TXNRD2: variants seen among roughly 807,000 people sequenced by gnomAD.
The protein encoded by TXNRD2 is thioredoxin reductase 2, also known as thioredoxin reductase 2, mitochondrial.
Under a neutral mutation model 70.8 loss-of-function variants are expected in TXNRD2, and 67 were observed. That is an observed-to-expected ratio of 0.95 (90% CI 0.78 to 1.16). The LOEUF (loss-of-function observed/expected upper bound fraction) is 1.16, where lower values mean the gene tolerates loss of function less well. TXNRD2 is among the 50% of genes most tolerant of loss of function. The probability of loss-of-function intolerance (pLI) is 0.00; values close to 1 mark genes in which losing one functional copy is unlikely to be tolerated. For synonymous variants in TXNRD2, 301 were observed against 295.8 expected (o/e 1.02, Z -0.18); for missense variants, 644 against 719.9 (o/e 0.89, Z 1.21).
intron 8 of TXNRD2, among the ~76,000 whole-genome samples, chr22:19,908,062 C>A (rs1322197490): frequency 2.3e-5 from 2 of 87,998 alleles, no homozygotes; most frequent in African/African-American, 4.4e-5. Context: ...TAGCAGTGAC[C>A]GCTCTCAGGA....
chr22:19,880,783 T>A (rs778499164), intron 12 of TXNRD2, 66 bp from the exon 13 acceptor site: 23 of 1,192,440 alleles, frequency 1.9e-5, no homozygotes. Flanking sequence ...CCCTATGCCA[T>A]CACCCTTTGC....
At chr22:19,937,208 G>A (rs1191275462) in intron 1 of TXNRD2, among the ~76,000 whole-genome samples, 4 of 152,182 alleles carry the variant, frequency 2.6e-5, no homozygotes, top group African/African-American at 9.6e-5. Context: ...CAATTACTCA[G>A]GCTCAGCTCA....
chr22:19,941,714 C>A lies in TXNRD2; in HGVS notation c.90G>T (p.Ala30=). 1 of 1,484,264 alleles carries A rather than the reference C, an allele frequency of 6.7e-7. No homozygotes were observed. The highest frequency in any genetic ancestry group is 8.9e-7 in the Non-Finnish European group (1 of 1,124,546). 91.9% of individuals were successfully genotyped at this position (1,484,264 alleles called of 1,614,324 possible). The change falls in exon 1 of 18, where the codon GCG becomes GCT. Residue 30 remains alanine, a synonymous_variant. Transcript: ENST00000400521. ...ACCCCATCCTACCTGCTGCGCCCCG[C>A]GCCGCGCCCCGCACCCCGCCCGCCA... The part of the protein sequence containing the change: ...QAVAGGVRGA[A]RGAAAGQRDY...
At chr22:19,883,559 C>G in intron 11 of TXNRD2, 98 bp from the exon 12 acceptor site, 1 of 1,558,442 alleles carries the variant, frequency 6.4e-7, no homozygotes, top group Non-Finnish European at 8.8e-7. Flanking sequence ...ACTTAGAGAC[C>G]GGGTGCAGTG....
chr22:19,919,090 T>G, intron 3 of TXNRD2, 86 bp from the exon 4 acceptor site: 3 of 1,409,748 alleles, frequency 2.1e-6, no homozygotes, highest in South Asian at 1.2e-5. Flanking sequence ...TGGAATTCCT[T>G]AAAGTTGCTT....
chr22:19,935,773 A>G (rs1026664734), intron 1 of TXNRD2, among the ~76,000 whole-genome samples: 2 of 152,186 alleles, frequency 1.3e-5, no homozygotes, highest in Non-Finnish European at 2.9e-5. Context: ...GGTTCCCCCA[A>G]TATCTGGCGC....
At chr22:19,891,304 G>A (rs1232114561) in intron 11 of TXNRD2, 1 of 152,330 alleles carries the variant, frequency 6.6e-6, no homozygotes, top group East Asian at 1.9e-4. Flanking sequence ...GGGACCCCCA[G>A]GTTTAGCGAG....
At chr22:19,903,652 C>A (rs1225370629) in intron 8 of TXNRD2, among the ~76,000 whole-genome samples, 1 of 152,226 alleles carries the variant, frequency 6.6e-6, no homozygotes, top group Non-Finnish European at 1.5e-5. Flanking sequence ...CTTGGCCCCC[C>A]TTAATTGCCA....
rs1460726198 is a variant in TXNRD2 at position 19,941,768 on chromosome 22, T to C, written c.36A>G (p.Gly12=). The change falls in exon 1 of 18, where the codon GGA becomes GGG. Residue 12 remains glycine, a synonymous_variant. Coordinates refer to ENST00000400521, the MANE Select transcript of TXNRD2 (RefSeq NM_006440.5). The stretch of plus-strand genomic sequence containing the variant: ...CCTGCGTCCGCCACCGGAAGCGCCC[T>C]CCTAATCCCCGCAGCGCCACCGCCA... The part of the protein sequence containing the change: ...AAMAVALRGL[G]GRFRWRTQAV... The C allele has an allele frequency of 5.3e-6, 8 of 1,521,116 alleles. No homozygotes were observed. Among genetic ancestry groups the C allele is most frequent in the Admixed American group, 1.9e-5 (1 of 51,918 alleles). The allele number at this position is 1,521,116 out of a possible 1,614,324, so 94.2% of individuals were successfully genotyped here.
chr22:19,900,536 G>C (rs1015274674), intron 8 of TXNRD2, among the ~76,000 whole-genome samples: 1 of 152,134 alleles, frequency 6.6e-6, no homozygotes, highest in African/African-American at 2.4e-5. Flanking sequence ...AGATCACGAG[G>C]TCAGGAGATC....
chr22:19,918,905 G>A lies in TXNRD2; in HGVS notation c.329C>T (p.Ala110Val). 6.2e-7 allele frequency: 1 copy of A among 1,612,650 alleles called. No individual in the cohort carries two copies. The highest frequency in any genetic ancestry group is 8.5e-7 in the Non-Finnish European group (1 of 1,179,978). ...GGCCACCTCCCAGCCATAGTTGGGG[G>A]CATCTTGGATCAGGCCTCCCAGCAG... ...AALLGGLIQDAPNYGWEVAQP... is the reference protein window; with the variant it reads ...AALLGGLIQDVPNYGWEVAQP... Residue 110 changes from alanine (A) to valine (V), a missense_variant, in exon 4 of 18, where the codon GCC becomes GTC. Physicochemically the swap from Ala to Val is moderately conservative, Grantham distance 64 (BLOSUM62 0). This residue lies in a region of TXNRD2 where 566 missense variants were observed against 645.0 expected (regional missense o/e 0.88). Coordinates refer to ENST00000400521, the MANE Select transcript of TXNRD2 (RefSeq NM_006440.5).
chr22:19,880,212 C>T lies in TXNRD2; in HGVS notation c.1242G>A (p.Glu414=), dbSNP rs991158687. The T allele has an allele frequency of 6.2e-7, 1 of 1,613,644 alleles. No homozygotes were observed. The highest frequency in any genetic ancestry group is 8.5e-7 in the Non-Finnish European group (1 of 1,180,034). ...EYGCVGLSEE[E]AVARHGQEHV... ...GCTCCTGCCCGTGGCGAGCCACTGC[C>T]TCCTCCTCGGACAGCCCCACACAGC... The change falls in exon 14 of 18, where the codon GAG becomes GAA. Residue 414 remains glutamate, a synonymous_variant. Coordinates refer to ENST00000400521, the MANE Select transcript of TXNRD2 (RefSeq NM_006440.5).
intron 1 of TXNRD2, chr22:19,933,509 A>T (rs973459997): frequency 7.8e-7 from 1 of 1,289,204 alleles, no homozygotes; most frequent in Non-Finnish European, 1.0e-6. Context: ...GCAGCCTCGC[A>T]CTGTGCCCCC....
chr22:19,939,115 C>T (rs796628611), intron 1 of TXNRD2, among the ~76,000 whole-genome samples: 2 of 152,258 alleles, frequency 1.3e-5, no homozygotes, highest in Non-Finnish European at 2.9e-5. Flanking sequence ...TCTGGGTGCC[C>T]ACTAGGAGAC....
intron 11 of TXNRD2, among the ~76,000 whole-genome samples, chr22:19,892,953 T>C (rs1162635758): frequency 6.6e-6 from 1 of 152,266 alleles, no homozygotes; most frequent in Admixed American, 6.5e-5. Flanking sequence ...ACATTGCTCT[T>C]GCTGACTGAT....
At chr22:19,935,590 T>C (rs1052093249) in intron 1 of TXNRD2, among the ~76,000 whole-genome samples, 1 of 152,152 alleles carries the variant, frequency 6.6e-6, no homozygotes, top group African/African-American at 2.4e-5. Flanking sequence ...TTAAAATCCT[T>C]AATAAAAACT....
chr22:19,929,053 C>G (rs1235077070), intron 2 of TXNRD2, among the ~76,000 whole-genome samples: 2 of 150,038 alleles, frequency 1.3e-5, no homozygotes, highest in East Asian at 3.9e-4. Context: ...ATAGGCCGGG[C>G]GCGGTGGCTC....
At position 19,880,472 on chromosome 22, in the gene TXNRD2, G is replaced by A. The variant is rs189112219; in HGVS notation, c.1182+150C>T. Reference sequence around the variant, plus strand: ...CACACACCCATGCATGCACACACACGTGTGTACAACACACCCACATAAGCG... The same window carrying A: ...CACACACCCATGCATGCACACACACATGTGTACAACACACCCACATAAGCG... On this transcript the variant is annotated intron_variant, in intron 13 of 17. Transcript: ENST00000400521. 493 of 871,598 alleles carry A rather than the reference G, an allele frequency of 5.7e-4. 1 individual carries two copies. The highest frequency in any genetic ancestry group is 7.9e-4 in the Non-Finnish European group (422 of 533,524). The allele number at this position is 871,598 out of a possible 1,614,324, so 54.0% of individuals were successfully genotyped here.
At chr22:19,912,775 C>T (rs1354750532) in intron 7 of TXNRD2, among the ~76,000 whole-genome samples, 1 of 152,236 alleles carries the variant, frequency 6.6e-6, no homozygotes, top group Non-Finnish European at 1.5e-5. Flanking sequence ...GGCGGCCAGA[C>T]AAGTCCCACG....
Sources: gnomAD v4.1 joint callset for allele counts (sites outside exome capture counted in the v4.1 genomes callset) on GRCh38, gnomAD v4.1.1 for gene constraint, gnomAD v4.1.1 regional missense constraint, MANE v1.5 for transcripts, NCBI Gene and HGNC (gene_info 2026-07-23, HGNC 2026-07-21) for gene names.